PRSS56: variants seen among roughly 807,000 people sequenced by gnomAD.
PRSS56 encodes serine protease 56, also known as protease, serine 56.
PRSS56 carries 55 observed loss-of-function variants against 66.8 expected under a neutral mutation model. That is an observed-to-expected ratio of 0.82 (90% CI 0.66 to 1.03). PRSS56 has a LOEUF of 1.03. Ranked by LOEUF, PRSS56 falls within the 50% of genes least tolerant of loss-of-function variation. The pLI is 0.00. For synonymous variants in PRSS56, 409 were observed against 387.9 expected (o/e 1.05, Z -0.64); for missense variants, 869 against 837.2 (o/e 1.04, Z -0.47).
chr2:232,521,552 A>G, intron 2 of PRSS56, 124 bp downstream of exon 2: 1 of 848,822 alleles, frequency 1.2e-6, no homozygotes, highest in Non-Finnish European at 1.9e-6. Flanking sequence ...TTGGGCCGCA[A>G]CCTAGACTAC....
chr2:232,523,761 G>A lies in PRSS56; in HGVS notation c.1013-11G>A, dbSNP rs967202397. On this transcript the variant is annotated splice_polypyrimidine_tract_variant and intron_variant, in intron 8 of 12. Coordinates refer to ENST00000617714, the MANE Select transcript of PRSS56 (RefSeq NM_001195129.2). ...CAGAGGGTGAGCTGACCCCTGTCCC[G>A]CCCGCAGCAGCCTCCTCCAGCCGCG... 6 of 1,533,852 alleles carry A rather than the reference G, an allele frequency of 3.9e-6. No homozygotes were observed. In the East Asian group the frequency reaches 1.2e-4, roughly 31 times the overall value.
rs894954030 is a variant in PRSS56, at chr2:232,522,054, G to A, written c.340G>A (p.Gly114Arg). The A allele has an allele frequency of 2.0e-6, 3 of 1,500,058 alleles. No individual in the cohort carries two copies. Among genetic ancestry groups the A allele is most frequent in the African/African-American group, 2.9e-5 (2 of 69,770 alleles). 92.9% of individuals were successfully genotyped at this position (1,500,058 alleles called of 1,614,324 possible). Reference sequence around the variant, plus strand: ...CGTGGGGGGCAGCGCGGCGCCGCCCGGGGCCTGGCCCTGGCTGGTGAGGCT... The same window carrying A: ...CGTGGGGGGCAGCGCGGCGCCGCCCAGGGCCTGGCCCTGGCTGGTGAGGCT... ...RIVGGSAAPP[G>R]AWPWLVRLQL... Residue 114 changes from glycine (G) to arginine (R), a missense_variant, in exon 4 of 13, where the codon GGG (glycine) becomes AGG (arginine). Coordinates refer to ENST00000617714, the MANE Select transcript of PRSS56 (RefSeq NM_001195129.2).
Position 232,523,537 on chromosome 2 carries a change from G to A in PRSS56, c.971G>A (p.Arg324His), listed in dbSNP as rs913094227. ...CCAGGGAAGCCCGGGGTCTACACCC[G>A]CGTGGCAGTGTTCAAGGACTGGCTC... ...GEPGKPGVYT[R>H]VAVFKDWLQE... The change falls in exon 8 of 13, where the codon CGC (arginine) becomes CAC (histidine). Residue 324 changes from arginine to histidine, a missense_variant. Arg to His is a conservative substitution (Grantham distance 29). This residue lies in a region of PRSS56 where 551 missense variants were observed against 506.9 expected (regional missense o/e 1.09). Coordinates refer to ENST00000617714, the MANE Select transcript of PRSS56 (RefSeq NM_001195129.2). The A allele has an allele frequency of 6.5e-7, 1 of 1,532,440 alleles. No homozygotes were observed. Among genetic ancestry groups the A allele is most frequent in the South Asian group, 1.2e-5 (1 of 83,536 alleles). 94.9% of individuals were successfully genotyped at this position (1,532,440 alleles called of 1,614,324 possible).
In PRSS56 at chr2:232,525,242, A is replaced by C; in HGVS notation, c.1548A>C (p.Thr516=). The change falls in exon 13 of 13, where the codon ACA becomes ACC. Residue 516 remains threonine (T), a synonymous_variant. Coordinates refer to ENST00000617714, the MANE Select transcript of PRSS56 (RefSeq NM_001195129.2). The part of the protein sequence containing the change: ...HEVLADLGSK[T]LTGLFRAWVR... ...TCCTGGCAGATCTGGGCTCCAAGAC[A>C]CTGACCGGGCTTTTCAGAGCCTGGG... The C allele has an allele frequency of 6.6e-7, 1 of 1,510,154 alleles. No individual in the cohort carries two copies. Among genetic ancestry groups the C allele is most frequent in the Non-Finnish European group, 8.8e-7 (1 of 1,133,120 alleles). 93.5% of individuals were successfully genotyped at this position (1,510,154 alleles called of 1,614,324 possible). A position where few individuals can be genotyped will look rare whatever the true frequency, so the allele number is the denominator to read the frequency against.
chr2:232,523,527 G>T lies in PRSS56; in HGVS notation c.961G>T (p.Val321Phe), dbSNP rs985924095. 1 of 1,532,592 alleles carries T rather than the reference G, an allele frequency of 6.5e-7. No individual in the cohort carries two copies. The highest frequency in any genetic ancestry group is 1.4e-5 in the African/African-American group (1 of 72,906). The allele number at this position is 1,532,592 out of a possible 1,614,324, so 94.9% of individuals were successfully genotyped here. A position where few individuals can be genotyped will look rare whatever the true frequency, so the allele number is the denominator to read the frequency against. ...DGCGEPGKPG[V>F]YTRVAVFKDW... ...CTGCGGGGAGCCAGGGAAGCCCGGG[G>T]TCTACACCCGCGTGGCAGTGTTCAA... is the stretch of plus-strand genomic sequence containing the variant. The change falls in exon 8 of 13, where the codon GTC becomes TTC. Residue 321 changes from valine to phenylalanine, a missense_variant. This residue lies in a region of PRSS56 where 551 missense variants were observed against 506.9 expected (regional missense o/e 1.09). Coordinates refer to ENST00000617714, the MANE Select transcript of PRSS56 (RefSeq NM_001195129.2).
At position 232,524,144 on chromosome 2, in the gene PRSS56, C is replaced by T. The variant is rs1395894549; in HGVS notation, c.1292C>T (p.Pro431Leu). 4 of 1,513,538 alleles carry T rather than the reference C, an allele frequency of 2.6e-6. No individual in the cohort carries two copies. Among genetic ancestry groups the T allele is most frequent in the Non-Finnish European group, 2.6e-6 (3 of 1,137,766 alleles). 93.8% of individuals were successfully genotyped at this position (1,513,538 alleles called of 1,614,324 possible). A position where few individuals can be genotyped will look rare whatever the true frequency, so the allele number is the denominator to read the frequency against. ...CGCCTGGCCCCCGCCCTGGCTCTCC[C>T]CGCTCCAGCGCTCAGGGAGTCTCCT... ...LRRLAPALALPAPALRESPLH... is the reference protein window; with the variant it reads ...LRRLAPALALLAPALRESPLH... Residue 431 changes from proline (P) to leucine (L), a missense_variant, in exon 10 of 13, where the codon CCC becomes CTC. Transcript: ENST00000617714.
At chr2:232,521,891 GC>G (rs1691285474) in intron 3 of PRSS56, 25 bp downstream of exon 3, 1 of 1,533,234 alleles carries the variant, frequency 6.5e-7, no homozygotes, top group African/African-American at 1.4e-5. Context: ...GCTCGAGGGG[GC>G]AGGCCTGAGA....
intron 1 of PRSS56, 132 bp from the exon 2 acceptor site, chr2:232,521,189 G>A (rs541018012): frequency 1.3e-5 from 9 of 668,510 alleles, no homozygotes; most frequent in East Asian, 2.7e-5. Context: ...CAGCGTCCCC[G>A]GGGCTCACTT....
intron 9 of PRSS56, 42 bp from the exon 10 acceptor site, chr2:232,523,997 G>T (rs1691343330): frequency 2.6e-6 from 4 of 1,524,622 alleles, no homozygotes; most frequent in Non-Finnish European, 3.5e-6. Flanking sequence ...AGGGGGCCTG[G>T]CCAGCCTCTG....
Position 232,522,030 on chromosome 2 carries a change from G to A in PRSS56, c.316G>A (p.Val106Met). Residue 106 changes from valine (V) to methionine (M), a missense_variant, in exon 4 of 13, where the codon GTG becomes ATG. By Grantham distance (21) the Val-to-Met change is conservative (BLOSUM62 1). Transcript: ENST00000617714. ...ANVTRAHGRI[V>M]GGSAAPPGAW... ...TGTGACGCGGGCCCACGGCCGCATCGTGGGGGGCAGCGCGGCGCCGCCCGG... is the reference window on the plus strand; with the variant it reads ...TGTGACGCGGGCCCACGGCCGCATCATGGGGGGCAGCGCGGCGCCGCCCGG... 2 of 1,465,050 alleles carry A rather than the reference G, an allele frequency of 1.4e-6. No individual in the cohort carries two copies. Among genetic ancestry groups the A allele is most frequent in the Non-Finnish European group, 1.8e-6 (2 of 1,115,324 alleles). The allele number at this position is 1,465,050 out of a possible 1,614,324, so 90.8% of individuals were successfully genotyped here. A position where few individuals can be genotyped will look rare whatever the true frequency, so the allele number is the denominator to read the frequency against.
chr2:232,522,730 T>C lies in PRSS56; in HGVS notation c.575T>C (p.Leu192Pro). The C allele has an allele frequency of 6.5e-7, 1 of 1,534,100 alleles. No homozygotes were observed. Among genetic ancestry groups the C allele is most frequent in the Non-Finnish European group, 8.7e-7 (1 of 1,145,776 alleles). The change falls in exon 6 of 13, where the codon CTG becomes CCG. Residue 192 changes from leucine to proline, a missense_variant. Coordinates refer to ENST00000617714, the MANE Select transcript of PRSS56 (RefSeq NM_001195129.2). ...KFDPRTFHND[L>P]ALVQLWTPVS... is the part of the protein sequence containing the mutation. ...GACCCGCGGACCTTCCACAACGACC[T>C]GGCCCTGGTGCAGCTGTGGACGCCG...
At chr2:232,523,608 C>T (rs1299780122) in intron 8 of PRSS56, 30 bp downstream of exon 8, 7 of 1,506,492 alleles carry the variant, frequency 4.6e-6, no homozygotes, top group Non-Finnish European at 6.2e-6. Flanking sequence ...TGCCCCGTCC[C>T]CAGTGCCCCA....
Position 232,522,683 on chromosome 2 carries a change from G to A in PRSS56, c.547-19G>A, listed in dbSNP as rs565471403. 331 of 1,533,146 alleles carry A rather than the reference G, an allele frequency of 2.2e-4. 3 individuals are homozygous for A. In the East Asian group the frequency reaches 7.7e-3, roughly 36 times the overall value. 95.0% of individuals were successfully genotyped at this position (1,533,146 alleles called of 1,614,324 possible). A position where few individuals can be genotyped will look rare whatever the true frequency, so the allele number is the denominator to read the frequency against. ...CCCACCCGTGCTTCCTTGACCCTGC[G>A]CCGCCTCCCCCTCCTCAGTTTGACC... is the stretch of plus-strand genomic sequence containing the variant. On this transcript the variant is annotated intron_variant, in intron 5 of 12. Transcript: ENST00000617714.
rs548263714 is a variant in PRSS56, at chr2:232,525,454, G to A, written c.1760G>A (p.Arg587Lys). The A allele has an allele frequency of 3.9e-6, 6 of 1,525,700 alleles. No individual in the cohort carries two copies. The African/African-American group carries it at 5.5e-5, about 14-fold the overall frequency. 94.5% of individuals were successfully genotyped at this position (1,525,700 alleles called of 1,614,324 possible). A position where few individuals can be genotyped will look rare whatever the true frequency, so the allele number is the denominator to read the frequency against. Residue 587 changes from arginine to lysine, a missense_variant, in exon 13 of 13, where the codon AGG (arginine) becomes AAG (lysine). Transcript: ENST00000617714. ...MDVGQGPGLE[R>K]KGHHPLNPQV... ...GTAGGGCAGGGGCCCGGGCTGGAGA[G>A]GAAGGGGCACCACCCACTCAACCCT...
chr2:232,525,439 G>A lies in PRSS56; in HGVS notation c.1745G>A (p.Gly582Glu), dbSNP rs1462850345. Residue 582 changes from glycine (G) to glutamate (E), a missense_variant, in exon 13 of 13, where the codon GGG (glycine) becomes GAG (glutamate). By Grantham distance (98) the Gly-to-Glu change is moderately conservative (BLOSUM62 -2). This residue lies in a region of PRSS56 where 551 missense variants were observed against 506.9 expected (regional missense o/e 1.09). Transcript: ENST00000617714. ...GGACCCTGGATGGATGTAGGGCAGGGGCCCGGGCTGGAGAGGAAGGGGCAC... is the reference window on the plus strand; with the variant it reads ...GGACCCTGGATGGATGTAGGGCAGGAGCCCGGGCTGGAGAGGAAGGGGCAC... Reference protein sequence around the residue: ...PEGPWMDVGQGPGLERKGHHP... With the variant: ...PEGPWMDVGQEPGLERKGHHP... The A allele has an allele frequency of 2.6e-6, 4 of 1,530,588 alleles. No individual in the cohort carries two copies. The highest frequency in any genetic ancestry group is 3.5e-6 in the Non-Finnish European group (4 of 1,143,740). The allele number at this position is 1,530,588 out of a possible 1,614,324, so 94.8% of individuals were successfully genotyped here.
At chr2:232,521,300 G>A (rs1260618757) in intron 1 of PRSS56, 21 bp from the exon 2 acceptor site, 4 of 1,524,770 alleles carry the variant, frequency 2.6e-6, no homozygotes, top group Non-Finnish European at 3.5e-6. Context: ...ACGCATGATT[G>A]TGTGCCCCCT....
Position 232,521,866 on chromosome 2 carries a change from G to A in PRSS56, c.256G>A (p.Gly86Arg), listed in dbSNP as rs1382414266. The change falls in exon 3 of 13, where the codon GGG becomes AGG. Residue 86 changes from glycine (G) to arginine (R), a missense_variant and splice_region_variant. Around this residue, in one of 3 missense-constraint regions of PRSS56, gnomAD observed 315 missense variants for 313.7 expected, o/e 1.00. Transcript: ENST00000617714. ...QALLQDPPEPGPCGERRPSTA... is the reference protein window; with the variant it reads ...QALLQDPPEPRPCGERRPSTA... ...TCTCCTCCAGGACCCACCTGAGCCAGGTGAGGTTGAAAAGGCTCGAGGGGG... is the reference window on the plus strand; with the variant it reads ...TCTCCTCCAGGACCCACCTGAGCCAAGTGAGGTTGAAAAGGCTCGAGGGGG... 3.9e-6 allele frequency: 6 copies of A among 1,535,716 alleles called. No individual in the cohort carries two copies. The highest frequency in any genetic ancestry group is 1.2e-5 in the South Asian group (1 of 84,040).
rs1441833929 is a variant in PRSS56, at chr2:232,524,774, C to T, written c.1451C>T (p.Ala484Val). The T allele has an allele frequency of 6.5e-7, 1 of 1,532,068 alleles. No individual in the cohort carries two copies. Among genetic ancestry groups the T allele is most frequent in the Non-Finnish European group, 8.7e-7 (1 of 1,143,932 alleles). The allele number at this position is 1,532,068 out of a possible 1,614,324, so 94.9% of individuals were successfully genotyped here. ...PGLEPLRQKL[A>V]ALQGAHAWIL... is the part of the protein sequence containing the mutation. Reference sequence around the variant, plus strand: ...CTGGAGCCCCTGCGACAGAAGTTGGCTGCCCTGCAGGGGGCCCATGCCTGG... The same window carrying T: ...CTGGAGCCCCTGCGACAGAAGTTGGTTGCCCTGCAGGGGGCCCATGCCTGG... Residue 484 changes from alanine to valine, a missense_variant, in exon 12 of 13, where the codon GCT becomes GTT. Around this residue, in one of 3 missense-constraint regions of PRSS56, gnomAD observed 551 missense variants for 506.9 expected, o/e 1.09. Transcript: ENST00000617714.
At chr2:232,524,507 A>G in intron 11 of PRSS56, 138 bp downstream of exon 11, 1 of 850,200 alleles carries the variant, frequency 1.2e-6, no homozygotes, top group Non-Finnish European at 1.8e-6. Context: ...TCCCCGCCAT[A>G]GAGCGTATGA....
Sources: allele counts gnomAD v4.1 joint callset, GRCh38; gene constraint gnomAD v4.1.1; regional missense constraint gnomAD v4.1.1; transcripts MANE v1.5; gene names NCBI Gene and HGNC (gene_info 2026-07-23, HGNC 2026-07-21).